The following SYT13 variants were observed in gnomAD, a reference collection of about 807,000 sequenced individuals.
The protein encoded by SYT13 is synaptotagmin 13, also known as synaptotagmin-13.
SYT13 carries 21 observed loss-of-function variants against 38.6 expected under a neutral mutation model. The ratio of observed to expected loss-of-function variants is 0.54; its 90% confidence interval spans 0.39 to 0.78. The LOEUF is 0.78. Among genes scored for constraint, SYT13 ranks in the 30% least tolerant of loss-of-function variants. The pLI is 0.00. For missense variants in SYT13, 495 were observed against 548.7 expected (o/e 0.90, Z 0.98); for synonymous variants, 241 against 237.6 (o/e 1.01, Z -0.13).
intron 4 of SYT13, among the ~76,000 whole-genome samples, chr11:45,251,386 T>TAA (rs10649998): frequency 0.39 from 29,700 of 75,210 alleles, 7,034 homozygotes; most frequent in Non-Finnish European, 0.44. Context: ...AGACTCTGTC[T>TAA]AAAAAAAAAA....
At chr11:45,260,490 A>G (rs996609876) in intron 1 of SYT13, among the ~76,000 whole-genome samples, 3 of 152,082 alleles carry the variant, frequency 2.0e-5, no homozygotes, top group African/African-American at 7.2e-5. Context: ...TGTCTGGGGG[A>G]AGGAGGTGCT....
chr11:45,266,840 A>T (rs1214223431), intron 1 of SYT13, among the ~76,000 whole-genome samples: 1 of 152,210 alleles, frequency 6.6e-6, no homozygotes, highest in Admixed American at 6.5e-5. Flanking sequence ...CCTAGCAGAT[A>T]CTGACAACTA....
intron 1 of SYT13, among the ~76,000 whole-genome samples, chr11:45,262,260 A>G (rs1590519470): frequency 6.6e-6 from 1 of 152,228 alleles, no homozygotes; most frequent in Non-Finnish European, 1.5e-5. Context: ...TGAAATACTT[A>G]GAGTCCTCAA....
Position 45,262,452 on chromosome 11 carries a change from G to A in SYT13, c.184-6561C>T, listed in dbSNP as rs114613110. On this transcript the variant is annotated intron_variant, in intron 1 of 5. Transcript: ENST00000020926. ...TAATACCACTGAACTGAGGCTGGGC[G>A]CGGTGGCTCATGCCTGTACTCTCAG... is the stretch of plus-strand genomic sequence containing the variant. Among the ~76,000 whole-genome samples, 1,157 of 152,238 alleles carry A rather than the reference G, an allele frequency of 7.6e-3. 11 individuals carry two copies. Among genetic ancestry groups the A allele is most frequent in the African/African-American group, 0.026 (1,095 of 41,520 alleles).
chr11:45,241,804 A>C lies in SYT13; in HGVS notation c.*2248T>G, dbSNP rs2135880705. On this transcript the variant is annotated 3_prime_UTR_variant, in exon 6 of 6. Transcript: ENST00000020926. Reference sequence around the variant, plus strand: ...TTTACCCACACCAACCAAAGAGAAGAAACCAGTATGGTGAAGAGATCTCTA... The same window carrying C: ...TTTACCCACACCAACCAAAGAGAAGCAACCAGTATGGTGAAGAGATCTCTA... 1 of 152,348 alleles carries C rather than the reference A, an allele frequency of 6.6e-6. No homozygotes were observed. The highest frequency in any genetic ancestry group is 2.1e-4 in the South Asian group (1 of 4,824). The allele number at this position is 152,348 out of a possible 1,614,324, so 9.4% of individuals were successfully genotyped here.
chr11:45,252,455 G>GC lies in SYT13; in HGVS notation c.811dup (p.Ala271GlyfsTer40). On this transcript the variant is annotated frameshift_variant, in exon 4 of 6. Transcript: ENST00000020926. LOFTEE classifies it high-confidence loss of function. This position sits in a 1 kb window ranked among gnomAD's most constrained non-coding sequence, Gnocchi z 4.3. ...AGTCTTCAGCTCGCCCCACTGGGCAGCCCCTAGAGGCACAGATGTCCCGTC... is the reference window on the plus strand; with the variant it reads ...AGTCTTCAGCTCGCCCCACTGGGCAGCCCCCTAGAGGCACAGATGTCCCGTC... The GC allele has an allele frequency of 6.2e-7, 1 of 1,606,888 alleles. No individual in the cohort carries two copies. Among genetic ancestry groups the GC allele is most frequent in the African/African-American group, 1.3e-5 (1 of 74,974 alleles).
chr11:45,251,297 G>A (rs946517082), intron 4 of SYT13, among the ~76,000 whole-genome samples: 8 of 145,962 alleles, frequency 5.5e-5, no homozygotes, highest in Non-Finnish European at 1.0e-4. Context: ...GCTGAGGCAC[G>A]AGAATCGCTT....
intron 1 of SYT13, among the ~76,000 whole-genome samples, chr11:45,261,362 C>T (rs564227010): frequency 1.5e-3 from 231 of 152,188 alleles, no homozygotes; most frequent in Non-Finnish European, 2.1e-3. Flanking sequence ...GAAGCTGAGG[C>T]GGGTAGATCA....
intron 1 of SYT13, chr11:45,269,524 C>A (rs1287180466): frequency 8.0e-7 from 1 of 1,254,748 alleles, no homozygotes; most frequent in Non-Finnish European, 1.0e-6. Context: ...ATGCACAACA[C>A]AAACTTTATT....
chr11:45,283,347 G>A (rs1855096239), intron 1 of SYT13, among the ~76,000 whole-genome samples: 1 of 152,124 alleles, frequency 6.6e-6, no homozygotes, highest in African/African-American at 2.4e-5. Context: ...TGTGATTACA[G>A]TCATCTAGAC....
chr11:45,251,391 A>AAAT (rs1854672928), intron 4 of SYT13, among the ~76,000 whole-genome samples: 2 of 151,010 alleles, frequency 1.3e-5, no homozygotes, highest in South Asian at 4.2e-4. Context: ...CTGTCTAAAA[A>AAAT]AAAAAAAAAA....
intron 5 of SYT13, among the ~76,000 whole-genome samples, 198 bp downstream of exon 5, chr11:45,246,185 A>C (rs1027925616): frequency 6.6e-6 from 1 of 152,150 alleles, no homozygotes; most frequent in African/African-American, 2.4e-5. Flanking sequence ...AATGGATGGG[A>C]ACTCATAGAA....
rs7110580 is a variant in SYT13 at position 45,241,707 on chromosome 11, A to G, written c.*2345T>C. 0.48 allele frequency: 72,259 copies of G among 152,002 alleles called. 17,786 individuals are homozygous for G. Among genetic ancestry groups the G allele is most frequent in the Middle Eastern group, 0.56 (165 of 294 alleles). The allele number at this position is 152,002 out of a possible 1,614,324, so 9.4% of individuals were successfully genotyped here. A position where few individuals can be genotyped will look rare whatever the true frequency, so the allele number is the denominator to read the frequency against. ...TTGGTCTAGAATCCAAATTTTCTAGATTGGAGTAGTAGATGTTACCAAGAA... is the reference window on the plus strand; with the variant it reads ...TTGGTCTAGAATCCAAATTTTCTAGGTTGGAGTAGTAGATGTTACCAAGAA... On this transcript the variant is annotated 3_prime_UTR_variant, in exon 6 of 6. Transcript: ENST00000020926.
intron 4 of SYT13, among the ~76,000 whole-genome samples, chr11:45,251,288 C>T (rs1686782642): frequency 6.8e-6 from 1 of 147,144 alleles, no homozygotes; most frequent in African/African-American, 2.5e-5. Flanking sequence ...ACTCAGGAGG[C>T]TGAGGCACGA....
chr11:45,255,466 G>A (rs1854732751), intron 2 of SYT13, among the ~76,000 whole-genome samples, 200 bp downstream of exon 2: 1 of 152,196 alleles, frequency 6.6e-6, no homozygotes, highest in African/African-American at 2.4e-5. Context: ...AAAGTTGGCG[G>A]TCTGGGGGAG....
At position 45,285,968 on chromosome 11, in the gene SYT13, C is replaced by T. The variant is rs768537832; in HGVS notation, c.183+57G>A. 1.7e-5 allele frequency: 27 copies of T among 1,565,250 alleles called. No homozygotes were observed. The East Asian group carries it at 5.5e-4, about 32-fold the overall frequency. The stretch of plus-strand genomic sequence containing the variant: ...GCCTCCCACCCCAGTTCCCCCTCTG[C>T]AGCTGCCCGGCAACCCCGCCTTGCC... On this transcript the variant is annotated intron_variant, in intron 1 of 5. Coordinates refer to ENST00000020926, the MANE Select transcript of SYT13 (RefSeq NM_020826.3).
At chr11:45,274,426 G>A (rs938624232) in intron 1 of SYT13, among the ~76,000 whole-genome samples, 1 of 152,186 alleles carries the variant, frequency 6.6e-6, no homozygotes, top group Non-Finnish European at 1.5e-5. Context: ...TGCAAAGAAT[G>A]TGCAAAGAAA....
chr11:45,284,013 A>G (rs563373199), intron 1 of SYT13, among the ~76,000 whole-genome samples: 2 of 152,350 alleles, frequency 1.3e-5, no homozygotes, highest in Non-Finnish European at 2.9e-5. Context: ...CAGTAGGCAA[A>G]ATCCTCCCTG....
At chr11:45,266,116 T>C (rs544751594) in intron 1 of SYT13, among the ~76,000 whole-genome samples, 21 of 152,322 alleles carry the variant, frequency 1.4e-4, no homozygotes, top group Admixed American at 9.1e-4. Flanking sequence ...ACATGCTGAA[T>C]TGGGCTTTCT....
Sources: allele counts gnomAD v4.1 joint callset (sites outside exome capture counted in the v4.1 genomes callset), GRCh38; gene constraint gnomAD v4.1.1; non-coding constraint Gnocchi (gnomAD v3.1); transcripts MANE v1.5; gene names NCBI Gene and HGNC (gene_info 2026-07-23, HGNC 2026-07-21).